BRD4: variants seen among roughly 807,000 people sequenced by gnomAD.
The protein encoded by BRD4 is bromodomain-containing protein 4.
A neutral mutation model predicts 142.1 loss-of-function variants in BRD4; 16 were observed. That is an observed-to-expected ratio of 0.11 (90% confidence interval 0.08 to 0.17). BRD4 has a LOEUF of 0.17. Among genes scored for constraint, BRD4 ranks in the 10% least tolerant of loss-of-function variants. The pLI, the probability that BRD4 is intolerant of heterozygous loss-of-function variation, is 1.00. For synonymous variants in BRD4, 833 were observed against 707.5 expected (o/e 1.18, Z -2.82); for missense variants, 1,424 against 1,810.9 (o/e 0.79, Z 3.88).
rs928932855 is a variant in BRD4, at chr19:15,268,839, T to C, written c.423+66A>G. The C allele has an allele frequency of 4.3e-5, 68 of 1,582,312 alleles. No homozygotes were observed. The Middle Eastern group carries it at 9.9e-4, about 23-fold the overall frequency. ...CACCCCTGCCCACGGGCTCCTGACA[T>C]GCCCACTGCCGTCGCCTCCCCTCCT... On this transcript the variant is annotated intron_variant, in intron 3 of 19. Transcript: ENST00000679869.
At chr19:15,267,608 G>C in intron 3 of BRD4, 57 bp from the exon 4 acceptor site, 2 of 1,578,376 alleles carry the variant, frequency 1.3e-6, no homozygotes, top group Non-Finnish European at 1.7e-6. Flanking sequence ...CACCTCTGTA[G>C]ACAGGGCACC....
At chr19:15,255,715 C>A in intron 9 of BRD4, 123 bp from the exon 10 acceptor site, 1 of 1,285,704 alleles carries the variant, frequency 7.8e-7, no homozygotes, top group Non-Finnish European at 1.1e-6. Flanking sequence ...CACCAGCCTT[C>A]ACAGGAAACG....
intron 1 of BRD4, among the ~76,000 whole-genome samples, chr19:15,273,768 T>A (rs140529885): frequency 8.7e-4 from 132 of 152,124 alleles, no homozygotes; most frequent in African/African-American, 3.1e-3. Context: ...AATCTGCATG[T>A]TTACTGCCGA....
In BRD4 at chr19:15,238,075, C is replaced by G; in HGVS notation, c.*302G>C. 2.3e-6 allele frequency: 1 copy of G among 440,984 alleles called. No homozygotes were observed. The highest frequency in any genetic ancestry group is 2.6e-5 in the South Asian group (1 of 38,810). The allele number at this position is 440,984 out of a possible 1,614,324, so 27.3% of individuals were successfully genotyped here. On this transcript the variant is annotated 3_prime_UTR_variant, in exon 20 of 20. Transcript: ENST00000679869. This position sits in a 1 kb window ranked among gnomAD's most constrained non-coding sequence, Gnocchi z 7.2. ...GTAGACATTTGGCGGAGAGAAGGGC[C>G]TCTGCCCCGCATGTGGGGATGCAGG... is the stretch of plus-strand genomic sequence containing the variant.
At chr19:15,245,876 G>A (rs1166206154) in intron 11 of BRD4, among the ~76,000 whole-genome samples, 2 of 152,200 alleles carry the variant, frequency 1.3e-5, no homozygotes, top group East Asian at 3.9e-4. Context: ...GGTGTTGGAG[G>A]ACACATGCTT....
chr19:15,274,326 C>A (rs542712244), intron 1 of BRD4, among the ~76,000 whole-genome samples: 40 of 152,274 alleles, frequency 2.6e-4, no homozygotes, highest in Non-Finnish European at 4.6e-4. Context: ...TTCCATGCAG[C>A]AGGACCAGCA....
At chr19:15,330,675 G>A (rs2145026640) in intron 1 of BRD4, among the ~76,000 whole-genome samples, 1 of 152,266 alleles carries the variant, frequency 6.6e-6, no homozygotes, top group Non-Finnish European at 1.5e-5. Context: ...GCTGAGACAG[G>A]AGAATCGCTT....
At chr19:15,332,112 G>C (rs1003338169) in intron 1 of BRD4, among the ~76,000 whole-genome samples, 178 bp downstream of exon 1, 1 of 145,674 alleles carries the variant, frequency 6.9e-6, no homozygotes, top group African/African-American at 2.5e-5. Flanking sequence ...AACGAACGGC[G>C]CGGGAGGCCC....
chr19:15,239,837 C>T lies in BRD4; in HGVS notation c.3283-16G>A. ...CACGCAGCTCCTGGGATGGCACAGG[C>T]ACAGCGGCCGGTGAGGTGGGCAGGC... On this transcript the variant is annotated splice_polypyrimidine_tract_variant and intron_variant, in intron 15 of 19. Transcript: ENST00000679869. The surrounding 1 kb of genome is among the most constrained non-coding windows in gnomAD (Gnocchi z 7.4). 1 of 1,613,802 alleles carries T rather than the reference C, an allele frequency of 6.2e-7. No individual in the cohort carries two copies. The highest frequency in any genetic ancestry group is 2.2e-5 in the East Asian group (1 of 44,862).
intron 1 of BRD4, among the ~76,000 whole-genome samples, chr19:15,319,034 A>G (rs2048039641): frequency 6.6e-6 from 1 of 152,198 alleles, no homozygotes; most frequent in African/African-American, 2.4e-5. Context: ...TAGAAAAGTA[A>G]GATACATGTG....
rs773222721 is a variant in BRD4, at chr19:15,264,568, C to A, written c.1048G>T (p.Val350Phe). 5.0e-6 allele frequency: 8 copies of A among 1,614,208 alleles called. No homozygotes were observed. The highest frequency in any genetic ancestry group is 5.9e-6 in the Non-Finnish European group (7 of 1,180,044). ...QHPAPEKSSK[V>F]SEQLKCCSGI... ...CTGCAGCACTTGAGCTGCTCCGAGA[C>A]CTTGCTGCTCTTCTCTGGTGCTGGG... Residue 350 changes from valine (V) to phenylalanine (F), a missense_variant, in exon 6 of 20, where the codon GTC becomes TTC. Around this residue, in one of 16 missense-constraint regions of BRD4, gnomAD observed 86 missense variants for 79.9 expected, o/e 1.08. Transcript: ENST00000679869.
chr19:15,265,446 C>A lies in BRD4; in HGVS notation c.757G>T (p.Val253Leu). 6.4e-7 allele frequency: 1 copy of A among 1,551,698 alleles called. No homozygotes were observed. Among genetic ancestry groups the A allele is most frequent in the Non-Finnish European group, 8.7e-7 (1 of 1,146,220 alleles). Residue 253 changes from valine (V) to leucine (L), a missense_variant, in exon 5 of 20, where the codon GTG becomes TTG. Val to Leu is a conservative substitution (Grantham distance 32, BLOSUM62 1). This residue lies in a region of BRD4 where 140 missense variants were observed against 131.7 expected (regional missense o/e 1.06). Transcript: ENST00000679869. ...GGTGGGGGTTGTGGCTGGGGGGGCA[C>A]TGGCGGGGGCGTCTGCAGTGGCTGG... ...PPQPLQTPPP[V>L]PPQPQPPPAP...
intron 1 of BRD4, among the ~76,000 whole-genome samples, chr19:15,293,524 G>A (rs1327960541): frequency 6.6e-6 from 1 of 152,236 alleles, no homozygotes; most frequent in African/African-American, 2.4e-5. Context: ...CCATGGCAGA[G>A]TGTAAGAGCT....
chr19:15,306,406 C>T lies in BRD4; in HGVS notation c.-35+25884G>A, dbSNP rs975822792. 3.3e-5 allele frequency among the ~76,000 whole-genome samples: 5 copies of T among 152,140 alleles called. No homozygotes were observed. In the East Asian group the frequency reaches 5.8e-4, roughly 18 times the overall value. ...ATCTCAGCCTCCCAAGTAGCTGGGA[C>T]CACAGGCGTGTGCCACCATGCCTGG... is the stretch of plus-strand genomic sequence containing the variant. On this transcript the variant is annotated intron_variant, in intron 1 of 19. Coordinates refer to ENST00000679869, the MANE Select transcript of BRD4 (RefSeq NM_001379291.1).
chr19:15,238,340 T>C lies in BRD4; in HGVS notation c.*37A>G, dbSNP rs1193349817. 1 of 1,613,346 alleles carries C rather than the reference T, an allele frequency of 6.2e-7. No individual in the cohort carries two copies. The highest frequency in any genetic ancestry group is 1.7e-5 in the Admixed American group (1 of 59,960). On this transcript the variant is annotated 3_prime_UTR_variant, in exon 20 of 20. Transcript: ENST00000679869. The surrounding 1 kb of genome is among the most constrained non-coding windows in gnomAD (Gnocchi z 7.2). ...CTAACACTATGGAAAGTCAATGTTT[T>C]GCCAGAAAATCAAAGTCAGAAGCCA...
intron 6 of BRD4, 72 bp from the exon 7 acceptor site, chr19:15,263,620 G>C: frequency 6.3e-7 from 1 of 1,586,066 alleles, no homozygotes; most frequent in Admixed American, 1.7e-5. Context: ...GGCAGCAGAC[G>C]AAAGGGATGC....
rs2047317985 is a variant in BRD4 at position 15,249,116 on chromosome 19, T to C, written c.2159-4354A>G. On this transcript the variant is annotated intron_variant, in intron 11 of 19. Coordinates refer to ENST00000679869, the MANE Select transcript of BRD4 (RefSeq NM_001379291.1). The stretch of plus-strand genomic sequence containing the variant: ...GAAGGCGGGACTAGGCGTGTGCTGC[T>C]GGACATGACTAATCCACCCCGGGGG... 2.5e-6 allele frequency: 3 copies of C among 1,187,874 alleles called. No individual in the cohort carries two copies. The African/African-American group carries it at 4.5e-5, about 18-fold the overall frequency. 73.6% of individuals were successfully genotyped at this position (1,187,874 alleles called of 1,614,324 possible). A position where few individuals can be genotyped will look rare whatever the true frequency, so the allele number is the denominator to read the frequency against.
chr19:15,298,267 A>T (rs1473395097), intron 1 of BRD4, among the ~76,000 whole-genome samples: 1 of 152,242 alleles, frequency 6.6e-6, no homozygotes, highest in African/African-American at 2.4e-5. Flanking sequence ...AATCTTAGCT[A>T]AGTATGTACA....
At chr19:15,278,317 T>C (rs1057396802) in intron 1 of BRD4, among the ~76,000 whole-genome samples, 2 of 151,546 alleles carry the variant, frequency 1.3e-5, no homozygotes, top group African/African-American at 4.8e-5. Flanking sequence ...GGCAGATCAC[T>C]TGAGGTCAGG....
Sources: allele counts gnomAD v4.1 joint callset (sites outside exome capture counted in the v4.1 genomes callset), GRCh38; gene constraint gnomAD v4.1.1; regional missense constraint gnomAD v4.1.1; non-coding constraint Gnocchi (gnomAD v3.1); transcripts MANE v1.5; gene names NCBI Gene and HGNC (gene_info 2026-07-23, HGNC 2026-07-21).